ZNF608: variants seen among roughly 807,000 people sequenced by gnomAD.
The protein encoded by ZNF608 is zinc finger protein 608.
In ZNF608, 12 loss-of-function variants were observed where a neutral mutation model predicts 109.0. That is an observed-to-expected ratio of 0.11 (90% CI 0.07 to 0.18). The LOEUF (loss-of-function observed/expected upper bound fraction) is 0.18. Among genes scored for constraint, ZNF608 ranks in the 10% least tolerant of loss-of-function variants. The probability of loss-of-function intolerance (pLI) is 1.00; values close to 1 mark genes in which losing one functional copy is unlikely to be tolerated. For synonymous variants in ZNF608, 732 were observed against 717.4 expected (o/e 1.02, Z -0.33); for missense variants, 1,707 against 1,879.3 (o/e 0.91, Z 1.70).
At chr5:124,698,546 C>A (rs1752934123) in intron 3 of ZNF608, among the ~76,000 whole-genome samples, 1 of 152,176 alleles carries the variant, frequency 6.6e-6, no homozygotes, top group African/African-American at 2.4e-5. Flanking sequence ...GCTATCAGTC[C>A]GCTGTACGAA....
In ZNF608 at chr5:124,745,177, GA is replaced by G. The variant is rs1490215508; in HGVS notation, c.-183-6del. The G allele has an allele frequency of 7.2e-7, 1 of 1,394,656 alleles. No individual in the cohort carries two copies. The highest frequency in any genetic ancestry group is 9.2e-7 in the Non-Finnish European group (1 of 1,084,990). The allele number at this position is 1,394,656 out of a possible 1,614,324, so 86.4% of individuals were successfully genotyped here. Reference sequence around the variant, plus strand: ...TCAGTCCAGGTCCACCTTTTCCTGTGAAGGGGGGGGGAAAAGTCGAATATTT... The same window carrying G: ...TCAGTCCAGGTCCACCTTTTCCTGTGAGGGGGGGGGAAAAGTCGAATATTT... On this transcript the variant is annotated splice_region_variant and splice_polypyrimidine_tract_variant and intron_variant, in intron 1 of 9. Transcript: ENST00000513986.
rs531737724 is a variant in ZNF608 at position 124,644,085 on chromosome 5, A to C, written c.4123+159T>G. Among the ~76,000 whole-genome samples, 3 of 152,374 alleles carry C rather than the reference A, an allele frequency of 2.0e-5. No homozygotes were observed. The East Asian group carries it at 5.8e-4, about 29-fold the overall frequency. On this transcript the variant is annotated intron_variant, in intron 6 of 9. Transcript: ENST00000513986. ...GGATTCTTGACATTTCATTAAAAAA[A>C]CTTATATTAAATCAGTTTTATCTTT... is the stretch of plus-strand genomic sequence containing the variant.
At chr5:124,735,140 A>C (rs1238775366) in intron 2 of ZNF608, 1 of 152,234 alleles carries the variant, frequency 6.6e-6, no homozygotes, top group African/African-American at 2.4e-5. Context: ...AAGAGCATTA[A>C]TTTGTTTCTA....
intron 2 of ZNF608, among the ~76,000 whole-genome samples, chr5:124,701,708 A>C (rs979097834): frequency 6.6e-6 from 1 of 152,272 alleles, no homozygotes; most frequent in Non-Finnish European, 1.5e-5. Flanking sequence ...GTTTTCAAAG[A>C]ACTTTATAAA....
Position 124,647,354 on chromosome 5 carries a change from G to A in ZNF608, c.3030C>T (p.His1010=). Residue 1010 remains histidine (H), a synonymous_variant, in exon 5 of 10, where the codon CAC becomes CAT. Transcript: ENST00000513986. ...CTGCAGGGGCACCGACCTGCCCAGG[G>A]TGCATGTAACTTGGAGAATAATAAG... ...YDPYYSPSYM[H]PGQVGAPAAG... 1 of 1,614,198 alleles carries A rather than the reference G, an allele frequency of 6.2e-7. No individual in the cohort carries two copies. Among genetic ancestry groups the A allele is most frequent in the Non-Finnish European group, 8.5e-7 (1 of 1,180,032 alleles).
At chr5:124,708,745 G>A (rs964993958) in intron 2 of ZNF608, 2 of 456,138 alleles carry the variant, frequency 4.4e-6, no homozygotes, top group South Asian at 1.5e-5. Flanking sequence ...CTCAAGTGCT[G>A]TTCAGGCTTA....
chr5:124,680,751 A>G (rs536497955), intron 3 of ZNF608, among the ~76,000 whole-genome samples: 1 of 152,350 alleles, frequency 6.6e-6, no homozygotes, highest in Admixed American at 6.5e-5. Context: ...TAAAAAGAAG[A>G]AATTAGAAAA....
At chr5:124,684,662 C>T (rs1040895011) in intron 3 of ZNF608, among the ~76,000 whole-genome samples, 1 of 152,136 alleles carries the variant, frequency 6.6e-6, no homozygotes, top group African/African-American at 2.4e-5. Flanking sequence ...AACAAATGGG[C>T]GTAGTGGGAA....
At chr5:124,655,649 T>C (rs901431047) in intron 3 of ZNF608, among the ~76,000 whole-genome samples, 1 of 152,246 alleles carries the variant, frequency 6.6e-6, no homozygotes, top group Non-Finnish European at 1.5e-5. Flanking sequence ...AGGATAAAAT[T>C]CATATATTTC....
intron 3 of ZNF608, 122 bp downstream of exon 3, chr5:124,700,892 G>A: frequency 7.5e-7 from 1 of 1,340,878 alleles, no homozygotes; most frequent in South Asian, 1.5e-5. Flanking sequence ...CCAGAGAGCG[G>A]AAATAAAAAA....
intron 3 of ZNF608, among the ~76,000 whole-genome samples, chr5:124,665,940 T>C (rs1034508597): frequency 1.3e-5 from 2 of 152,184 alleles, no homozygotes; most frequent in Non-Finnish European, 2.9e-5. Context: ...ATTTTACAGA[T>C]GTAATAGATA....
chr5:124,671,528 CAA>C (rs1751720660), intron 3 of ZNF608, among the ~76,000 whole-genome samples: 1 of 152,102 alleles, frequency 6.6e-6, no homozygotes, highest in East Asian at 1.9e-4. Context: ...CACAATACCT[CAA>C]GAGTCAAATT....
intron 2 of ZNF608, among the ~76,000 whole-genome samples, chr5:124,703,544 T>C (rs1402810402): frequency 6.6e-6 from 1 of 152,090 alleles, no homozygotes; most frequent in Non-Finnish European, 1.5e-5. Context: ...AGAAGGAGTA[T>C]CACTTCAGGC....
At chr5:124,747,540 TG>T (rs1473564912), upstream of ZNF608, among the ~76,000 whole-genome samples, 8 of 151,234 alleles carry the variant, frequency 5.3e-5, no homozygotes, top group African/African-American at 1.9e-4. Context: ...ACAAAAATGG[TG>T]ACAAGCGTAT....
chr5:124,675,223 G>A (rs1236801855), intron 3 of ZNF608, among the ~76,000 whole-genome samples: 1 of 152,176 alleles, frequency 6.6e-6, no homozygotes, highest in Non-Finnish European at 1.5e-5. Flanking sequence ...TAAGTGCTAA[G>A]AAGAAAACTA....
chr5:124,637,886 C>T lies in ZNF608; in HGVS notation c.*14G>A. The T allele has an allele frequency of 6.2e-7, 1 of 1,610,706 alleles. No individual in the cohort carries two copies. The highest frequency in any genetic ancestry group is 8.5e-7 in the Non-Finnish European group (1 of 1,178,618). ...TGTGATCCAGTCACATGACAATGTA[C>T]ATGTCCAATCTTGTTATTCTCTGCA... On this transcript the variant is annotated 3_prime_UTR_variant, in exon 10 of 10. Transcript: ENST00000513986.
At chr5:124,726,857 CA>C (rs1425389648) in intron 2 of ZNF608, among the ~76,000 whole-genome samples, 1 of 152,164 alleles carries the variant, frequency 6.6e-6, no homozygotes, top group Non-Finnish European at 1.5e-5. Context: ...GTGGATTTAA[CA>C]GCATGTGCAG....
intron 2 of ZNF608, among the ~76,000 whole-genome samples, chr5:124,719,953 ACCTGTGAG>A (rs1312515481): frequency 2.0e-5 from 3 of 152,170 alleles, no homozygotes; most frequent in African/African-American, 7.2e-5. Context: ...CAGTTTCTTC[ACCTGTGAG>A]CCAGAGCAAT....
chr5:124,667,339 C>T (rs928642064), intron 3 of ZNF608, among the ~76,000 whole-genome samples: 2 of 152,300 alleles, frequency 1.3e-5, no homozygotes, highest in Non-Finnish European at 2.9e-5. Context: ...TTTAATTCCA[C>T]CTGACCCCAG....
Sources: gnomAD v4.1 joint callset for allele counts (sites outside exome capture counted in the v4.1 genomes callset) on GRCh38, gnomAD v4.1.1 for gene constraint, MANE v1.5 for transcripts, NCBI Gene and HGNC (gene_info 2026-07-23, HGNC 2026-07-21) for gene names.